The following ROBO2 variants were observed in gnomAD, a reference collection of about 807,000 sequenced individuals.
The protein encoded by ROBO2 is roundabout homolog 2.
In ROBO2, 53 loss-of-function variants were observed where a neutral mutation model predicts 160.8. The ratio of observed to expected loss-of-function variants is 0.33; its 90% CI spans 0.26 to 0.41. The LOEUF is 0.41. Ranked by LOEUF, ROBO2 falls within the 10% of genes least tolerant of loss-of-function variation. The pLI is 1.00. For synonymous variants in ROBO2, 664 were observed against 611.7 expected (o/e 1.09, Z -1.26); for missense variants, 1,577 against 1,722.4 (o/e 0.92, Z 1.49).
chr3:76,361,729 T>C (rs1265917007), intron 2 of ROBO2, among the ~76,000 whole-genome samples: 1 of 152,080 alleles, frequency 6.6e-6, no homozygotes, highest in East Asian at 1.9e-4. Flanking sequence ...AGTATCTTCA[T>C]AAGAAATTCA....
chr3:76,390,096 C>T (rs1486724681), intron 2 of ROBO2, among the ~76,000 whole-genome samples: 2 of 152,086 alleles, frequency 1.3e-5, no homozygotes, highest in African/African-American at 4.8e-5. Context: ...AAAGATGATA[C>T]TCATTATATT....
At chr3:76,665,824 A>G (rs979173301) in intron 2 of ROBO2, among the ~76,000 whole-genome samples, 8 of 148,408 alleles carry the variant, frequency 5.4e-5, no homozygotes, top group Non-Finnish European at 7.4e-5. Flanking sequence ...AAAGCTAACT[A>G]TATTTCATTT....
chr3:77,577,153 A>T (rs1044368383), intron 14 of ROBO2, among the ~76,000 whole-genome samples: 2 of 152,024 alleles, frequency 1.3e-5, no homozygotes, highest in African/African-American at 4.8e-5. Context: ...TCATCTGTAA[A>T]ACCGAGATAA....
intron 2 of ROBO2, among the ~76,000 whole-genome samples, chr3:76,856,862 G>C (rs903590729): frequency 6.6e-6 from 1 of 152,170 alleles, no homozygotes; most frequent in African/African-American, 2.4e-5. Flanking sequence ...AGAGGCTGGG[G>C]TTTAGAACAA....
In ROBO2 at chr3:77,598,527, G is replaced by GTATATATATATA. The variant is rs3073098; in HGVS notation, c.2854+1781_2854+1792dup. ...TACGCACACACATATATATATATGT[G>GTATATATATATA]TATATATATATATATCCCAAAGCTT... On this transcript the variant is annotated intron_variant, in intron 19 of 25. Coordinates refer to ENST00000461745, the Ensembl canonical transcript of ROBO2. 7.5e-3 allele frequency among the ~76,000 whole-genome samples: 1,051 copies of GTATATATATATA among 139,954 alleles called. 23 individuals are homozygous for GTATATATATATA. Among genetic ancestry groups the GTATATATATATA allele is most frequent in the African/African-American group, 0.024 (893 of 37,142 alleles). The allele number at this position is 139,954 out of a possible 152,430, so 91.8% of individuals were successfully genotyped here.
At position 76,989,886 on chromosome 3, in the gene ROBO2, A is replaced by G. The variant is rs539706153; in HGVS notation, c.110-108128A>G. Among the ~76,000 whole-genome samples, 20 of 152,254 alleles carry G rather than the reference A, an allele frequency of 1.3e-4. 2 individuals are homozygous for G. The South Asian group carries it at 4.1e-3, about 32-fold the overall frequency. On this transcript the variant is annotated intron_variant, in intron 2 of 26. Coordinates refer to the ROBO2 transcript ENST00000487694. ...CATACACATGTGGGCATGCATGAAC[A>G]GGGGCATAGTTGTGTTTCTTTTACA...
chr3:76,254,043 C>T (rs1706204191), intron 2 of ROBO2, among the ~76,000 whole-genome samples: 1 of 151,938 alleles, frequency 6.6e-6, no homozygotes, highest in Admixed American at 6.6e-5. Context: ...TAGCTGTCTA[C>T]AAAATAAAGT....
chr3:77,217,827 T>C (rs2085184453), intron 2 of ROBO2, among the ~76,000 whole-genome samples: 2 of 152,222 alleles, frequency 1.3e-5, no homozygotes, highest in Admixed American at 6.5e-5. Context: ...CTGGAATTCA[T>C]ATTGGAAACC....
At chr3:77,007,123 G>A (rs1171390511) in intron 2 of ROBO2, among the ~76,000 whole-genome samples, 1 of 152,106 alleles carries the variant, frequency 6.6e-6, no homozygotes, top group Non-Finnish European at 1.5e-5. Context: ...AAACCAGGTG[G>A]ATAAAAGTGA....
chr3:76,362,650 G>A (rs1289725073), intron 2 of ROBO2, among the ~76,000 whole-genome samples: 1 of 152,040 alleles, frequency 6.6e-6, no homozygotes, highest in Non-Finnish European at 1.5e-5. Flanking sequence ...TCGAAAATTT[G>A]CAGATGTTAC....
intron 2 of ROBO2, among the ~76,000 whole-genome samples, chr3:76,649,812 G>T (rs1333422547): frequency 1.3e-5 from 2 of 151,514 alleles, no homozygotes; most frequent in African/African-American, 4.8e-5. Context: ...ATGGAAGAAA[G>T]AACAAAAAAG....
intron 2 of ROBO2, among the ~76,000 whole-genome samples, chr3:76,440,708 A>G (rs2076886765): frequency 6.6e-6 from 1 of 152,018 alleles, no homozygotes; most frequent in African/African-American, 2.4e-5. Context: ...GGAATCACTA[A>G]CCCTCTGACA....
chr3:76,940,333 G>C (rs527762980), intron 2 of ROBO2, among the ~76,000 whole-genome samples: 8 of 152,256 alleles, frequency 5.3e-5, no homozygotes, highest in African/African-American at 1.9e-4. Context: ...ACTTTTAAGT[G>C]TTTGTGATTT....
intron 2 of ROBO2, among the ~76,000 whole-genome samples, chr3:76,738,804 T>C (rs1309085251): frequency 6.6e-6 from 1 of 151,476 alleles, no homozygotes; most frequent in African/African-American, 2.4e-5. Flanking sequence ...GCACATGAAA[T>C]GAGGCTGGTT....
At chr3:77,607,634 T>C (rs372692956) in intron 20 of ROBO2, among the ~76,000 whole-genome samples, 164 bp from the exon 22 acceptor site, 3 of 152,192 alleles carry the variant, frequency 2.0e-5, no homozygotes, top group African/African-American at 7.2e-5. Context: ...TTTTGAGTGA[T>C]TTATAAAAAT....
chr3:77,384,654 G>T (rs896942631), intron 2 of ROBO2, among the ~76,000 whole-genome samples: 3 of 152,110 alleles, frequency 2.0e-5, no homozygotes, highest in Non-Finnish European at 4.4e-5. Context: ...GATACTCAAT[G>T]AACGTCATTT....
chr3:77,187,780 A>T (rs1009795239), intron 2 of ROBO2, among the ~76,000 whole-genome samples: 3 of 151,942 alleles, frequency 2.0e-5, no homozygotes, highest in Admixed American at 2.0e-4. Context: ...AAAGTGTATT[A>T]TGTTTAAAAT....
intron 2 of ROBO2, among the ~76,000 whole-genome samples, chr3:76,362,787 G>A (rs1386718236): frequency 6.6e-6 from 1 of 151,970 alleles, no homozygotes. Context: ...CTGAGATTTA[G>A]TATGTAGCCA....
chr3:76,583,995 A>C (rs2085867141), intron 2 of ROBO2, among the ~76,000 whole-genome samples: 1 of 152,062 alleles, frequency 6.6e-6, no homozygotes, highest in African/African-American at 2.4e-5. Flanking sequence ...ACATTTCTTC[A>C]TCTGGGATAG....
Sources: gnomAD v4.1 joint callset for allele counts (sites outside exome capture counted in the v4.1 genomes callset) on GRCh38, gnomAD v4.1.1 for gene constraint, MANE v1.5 for transcripts, NCBI Gene and HGNC (gene_info 2026-07-23, HGNC 2026-07-21) for gene names.